Variants in GRM7 observed in about 807,000 individuals in gnomAD.
The protein encoded by GRM7 is metabotropic glutamate receptor 7.
GRM7 carries 35 observed loss-of-function variants against 84.5 expected under a neutral mutation model. That is an observed-to-expected ratio of 0.41 (90% CI 0.32 to 0.55). The LOEUF is 0.55. GRM7 is among the 20% of genes least tolerant of loss of function. The probability of loss-of-function intolerance (pLI) is 0.19; values close to 1 mark genes in which losing one functional copy is unlikely to be tolerated. For synonymous variants in GRM7, 487 were observed against 455.1 expected, an observed-to-expected ratio of 1.07 and a Z score of -0.89; for missense variants, 1,003 against 1,194.6, an observed-to-expected ratio of 0.84 and a Z score of 2.36.
At chr3:7,019,611 G>T (rs1462622096) in intron 1 of GRM7, among the ~76,000 whole-genome samples, 1 of 152,186 alleles carries the variant, frequency 6.6e-6, no homozygotes, top group Admixed American at 6.5e-5. Context: ...GAATAAGAGT[G>T]CATGGAAAGT....
chr3:7,014,103 G>T (rs1269222475), intron 1 of GRM7, among the ~76,000 whole-genome samples: 1 of 152,116 alleles, frequency 6.6e-6, no homozygotes, highest in African/African-American at 2.4e-5. Context: ...CTTGATGCAT[G>T]TGGGCTGTGG....
chr3:7,002,286 G>A (rs569683460), intron 1 of GRM7, among the ~76,000 whole-genome samples: 6 of 152,272 alleles, frequency 3.9e-5, no homozygotes, highest in Admixed American at 6.5e-5. Context: ...GAGGAATTTT[G>A]TATAATCTTT....
chr3:7,076,621 T>A (rs1453724382), intron 1 of GRM7, among the ~76,000 whole-genome samples: 1 of 152,124 alleles, frequency 6.6e-6, no homozygotes, highest in Non-Finnish European at 1.5e-5. Context: ...CTTATAGCAC[T>A]GTGACAGACT....
intron 2 of GRM7, among the ~76,000 whole-genome samples, chr3:7,288,766 G>A (rs957094852): frequency 2.0e-5 from 3 of 151,940 alleles, no homozygotes; most frequent in Non-Finnish European, 4.4e-5. Context: ...AACTACTGTG[G>A]TATAGTACTG....
intron 7 of GRM7, among the ~76,000 whole-genome samples, chr3:7,479,741 G>C (rs1011437738): frequency 1.3e-5 from 2 of 152,074 alleles, no homozygotes; most frequent in African/African-American, 4.8e-5. Flanking sequence ...CCCCAACTAT[G>C]CTATTGGTCA....
intron 2 of GRM7, among the ~76,000 whole-genome samples, chr3:7,153,499 A>G (rs527828646): frequency 6.6e-6 from 1 of 152,290 alleles, no homozygotes; most frequent in Non-Finnish European, 1.5e-5. Context: ...AGCAGTGCCC[A>G]ACACAGACTA....
At chr3:7,152,959 A>G (rs945758569) in intron 2 of GRM7, among the ~76,000 whole-genome samples, 1 of 152,030 alleles carries the variant, frequency 6.6e-6, no homozygotes, top group Non-Finnish European at 1.5e-5. Context: ...TAGGGACACA[A>G]AAAAGGCTGG....
At chr3:7,337,635 C>T (rs1283877893) in intron 4 of GRM7, among the ~76,000 whole-genome samples, 1 of 151,286 alleles carries the variant, frequency 6.6e-6, no homozygotes, top group African/African-American at 2.4e-5. Flanking sequence ...CACAAATGGC[C>T]AATAAACATA....
chr3:7,271,562 T>TAAGAA (rs1698863066), intron 2 of GRM7, among the ~76,000 whole-genome samples: 1 of 88,808 alleles, frequency 1.1e-5, no homozygotes, highest in Non-Finnish European at 2.1e-5. Flanking sequence ...CCGCCTCAAA[T>TAAGAA]AAAAAAAAAA....
intron 7 of GRM7, among the ~76,000 whole-genome samples, chr3:7,521,591 A>G (rs988660239): frequency 6.6e-6 from 1 of 152,176 alleles, no homozygotes; most frequent in African/African-American, 2.4e-5. Context: ...TATGAGAACT[A>G]CATTACCACT....
At chr3:7,465,350 A>G (rs1698419556) in intron 7 of GRM7, among the ~76,000 whole-genome samples, 1 of 152,174 alleles carries the variant, frequency 6.6e-6, no homozygotes, top group African/African-American at 2.4e-5. Flanking sequence ...TACTGAGATA[A>G]CGGGACTTGG....
intron 1 of GRM7, among the ~76,000 whole-genome samples, chr3:7,021,497 T>C (rs1458450775): frequency 2.6e-5 from 4 of 152,182 alleles, no homozygotes; most frequent in Non-Finnish European, 5.9e-5. Flanking sequence ...ACTGTGAAGC[T>C]GAACATCTAA....
chr3:7,306,463 A>G (rs1243917594), intron 3 of GRM7, 35 bp from the exon 4 acceptor site: 1 of 1,588,460 alleles, frequency 6.3e-7, no homozygotes, highest in Non-Finnish European at 8.6e-7. Flanking sequence ...GACGTTCTTT[A>G]TCATTAATAT....
chr3:7,060,410 T>C (rs1413789425), intron 1 of GRM7, among the ~76,000 whole-genome samples: 1 of 151,742 alleles, frequency 6.6e-6, no homozygotes, highest in Admixed American at 6.6e-5. Flanking sequence ...TGTTACACCA[T>C]TGTAGGAACA....
chr3:7,278,672 A>G (rs1482821562), intron 2 of GRM7, among the ~76,000 whole-genome samples: 1 of 152,158 alleles, frequency 6.6e-6, no homozygotes. Flanking sequence ...GATTCTTAGA[A>G]TCGGGTACTC....
At chr3:7,353,246 G>A (rs958531819) in intron 4 of GRM7, among the ~76,000 whole-genome samples, 5 of 152,020 alleles carry the variant, frequency 3.3e-5, no homozygotes, top group Non-Finnish European at 7.4e-5. Context: ...TACTATACTC[G>A]AATAGAACTA....
intron 4 of GRM7, among the ~76,000 whole-genome samples, chr3:7,360,495 A>G (rs1388991647): frequency 6.6e-6 from 1 of 152,138 alleles, no homozygotes; most frequent in African/African-American, 2.4e-5. Context: ...CCAAGGTTCT[A>G]TAAAACGGTA....
chr3:6,949,175 T>C (rs1692590168), intron 1 of GRM7, among the ~76,000 whole-genome samples: 1 of 152,210 alleles, frequency 6.6e-6, no homozygotes, highest in African/African-American at 2.4e-5. Context: ...ATTTGGCATG[T>C]TTTTGCAGTG....
chr3:7,142,415 G>A (rs1002119467), intron 1 of GRM7, among the ~76,000 whole-genome samples: 20 of 151,994 alleles, frequency 1.3e-4, no homozygotes, highest in African/African-American at 4.3e-4. Flanking sequence ...GGTGGAAGGC[G>A]AAGGGGAAGC....
Sources: gnomAD v4.1 joint callset for allele counts (sites outside exome capture counted in the v4.1 genomes callset) on GRCh38, gnomAD v4.1.1 for gene constraint, MANE v1.5 for transcripts, NCBI Gene and HGNC (gene_info 2026-07-23, HGNC 2026-07-21) for gene names.